STK35: variants seen among roughly 807,000 people sequenced by gnomAD.
The protein encoded by STK35 is serine/threonine kinase 35, also known as serine/threonine-protein kinase 35.
Under a neutral mutation model 37.3 loss-of-function variants are expected in STK35, and 17 were observed. The ratio of observed to expected loss-of-function variants is 0.46; its 90% CI spans 0.31 to 0.68. STK35 has a LOEUF of 0.68. STK35 is among the 30% of genes least tolerant of loss of function. The probability of loss-of-function intolerance (pLI) is 0.05; values close to 1 mark genes in which losing one functional copy is unlikely to be tolerated. For missense variants in STK35, 595 were observed against 746.7 expected (o/e 0.80, Z 2.37); for synonymous variants, 385 against 319.1 (o/e 1.21, Z -2.20).
intron 2 of STK35, among the ~76,000 whole-genome samples, chr20:2,109,003 C>T (rs1025929023): frequency 4.6e-5 from 7 of 152,172 alleles, no homozygotes; most frequent in Admixed American, 4.6e-4. Context: ...CTTTTTACAC[C>T]TCTCCAGCGC....
In STK35 at chr20:2,146,880, G is replaced by A. The variant is rs1469909777; in HGVS notation, c.*3134G>A. On this transcript the variant is annotated 3_prime_UTR_variant, in exon 4 of 4. Coordinates refer to ENST00000381482, the MANE Select transcript of STK35 (RefSeq NM_080836.4). ...GGAGGATGCCTCAGTCTGTTCATTCGAGACTGGCCCCGTCTGAACCTTCTC... is the reference window on the plus strand; with the variant it reads ...GGAGGATGCCTCAGTCTGTTCATTCAAGACTGGCCCCGTCTGAACCTTCTC... 2.6e-5 allele frequency: 4 copies of A among 152,372 alleles called. No homozygotes were observed. The highest frequency in any genetic ancestry group is 4.8e-5 in the African/African-American group (2 of 41,446). 9.4% of individuals were successfully genotyped at this position (152,372 alleles called of 1,614,324 possible).
At position 2,131,389 on chromosome 20, in the gene STK35, AG is replaced by A. The variant is rs772434691; in HGVS notation, c.*38-12394del. Among the ~76,000 whole-genome samples the A allele has an allele frequency of 4.9e-4, 75 of 152,348 alleles. No individual in the cohort carries two copies. The Middle Eastern group carries it at 0.01, about 21-fold the overall frequency. Reference sequence around the variant, plus strand: ...AACACTTTGGGAGGCCAAGACAGGAAGATCACTTGAGCCCAGGAGTTTGAGA... The same window carrying A: ...AACACTTTGGGAGGCCAAGACAGGAAATCACTTGAGCCCAGGAGTTTGAGA... On this transcript the variant is annotated intron_variant, in intron 3 of 3. Transcript: ENST00000381482.
chr20:2,103,267 A>G lies in STK35; in HGVS notation c.794A>G (p.Glu265Gly), dbSNP rs1309828715. ...KRRHQNVVQF[E>G]ECVLQRNGLA... ...CGCCACCAGAACGTCGTGCAGTTTG[A>G]GGAGTGCGTCCTGCAGCGCAATGGG... The change falls in exon 2 of 4, where the codon GAG (glutamate) becomes GGG (glycine). Residue 265 changes from glutamate (E) to glycine (G), a missense_variant. Physicochemically the swap from Glu to Gly is moderately conservative, Grantham distance 98 (BLOSUM62 -2). This residue lies in a region of STK35 where 97 missense variants were observed against 146.4 expected (regional missense o/e 0.66). Coordinates refer to ENST00000381482, the MANE Select transcript of STK35 (RefSeq NM_080836.4). The G allele has an allele frequency of 1.2e-6, 2 of 1,613,192 alleles. No homozygotes were observed. Among genetic ancestry groups the G allele is most frequent in the Non-Finnish European group, 8.5e-7 (1 of 1,179,890 alleles).
intron 3 of STK35, among the ~76,000 whole-genome samples, chr20:2,139,376 C>G (rs933539875): frequency 6.6e-6 from 1 of 152,224 alleles, no homozygotes; most frequent in Non-Finnish European, 1.5e-5. Context: ...GAGCACTAGA[C>G]CTGTGCACAG....
Position 2,101,995 on chromosome 20 carries a change from A to T in STK35, c.114A>T (p.Leu38=). Residue 38 remains leucine (L), a synonymous_variant, in exon 1 of 4, where the codon CTA becomes CTT. Transcript: ENST00000381482. ...AACACGTGGAAAGCCACGGGAGCCT[A>T]GGAGCCCAGGCTTCCCCAGCGAGCG... ...WREHVESHGS[L]GAQASPASAA... 6.5e-7 allele frequency: 1 copy of T among 1,527,550 alleles called. No individual in the cohort carries two copies. The allele number at this position is 1,527,550 out of a possible 1,614,324, so 94.6% of individuals were successfully genotyped here.
chr20:2,122,115 T>C (rs1431815662), intron 3 of STK35, among the ~76,000 whole-genome samples: 1 of 152,134 alleles, frequency 6.6e-6, no homozygotes, highest in Non-Finnish European at 1.5e-5. Context: ...GGGCAGATTG[T>C]TTGAGCTCAC....
At chr20:2,104,809 C>T (rs1985483008) in intron 2 of STK35, among the ~76,000 whole-genome samples, 1 of 152,216 alleles carries the variant, frequency 6.6e-6, no homozygotes, top group South Asian at 2.1e-4. Context: ...ATCCGTGCCC[C>T]ATCCATTCTG....
chr20:2,143,881 G>A lies in STK35; in HGVS notation c.*135G>A, dbSNP rs1214440285. The A allele has an allele frequency of 2.2e-6, 1 of 449,688 alleles. No homozygotes were observed. Among genetic ancestry groups the A allele is most frequent in the Admixed American group, 2.4e-5 (1 of 41,006 alleles). The allele number at this position is 449,688 out of a possible 1,614,324, so 27.9% of individuals were successfully genotyped here. ...GCCGGTTGGCGATCTCCCGACAGCTGGATCCGGCAATGTGAAGCTTTTGTT... is the reference window on the plus strand; with the variant it reads ...GCCGGTTGGCGATCTCCCGACAGCTAGATCCGGCAATGTGAAGCTTTTGTT... On this transcript the variant is annotated 3_prime_UTR_variant, in exon 4 of 4. Coordinates refer to ENST00000381482, the MANE Select transcript of STK35 (RefSeq NM_080836.4).
intron 2 of STK35, among the ~76,000 whole-genome samples, chr20:2,109,065 A>G (rs1246649181): frequency 6.6e-6 from 1 of 152,182 alleles, no homozygotes; most frequent in Non-Finnish European, 1.5e-5. Context: ...CTAGGTGTGC[A>G]TGTGGTATAC....
At position 2,116,793 on chromosome 20, in the gene STK35, C is replaced by T. The variant is rs1350627124; in HGVS notation, c.1020C>T (p.Phe340=). The change falls in exon 3 of 4, where the codon TTC becomes TTT. Residue 340 remains phenylalanine, a synonymous_variant. Transcript: ENST00000381482. ...RRPDPATNKS[F]MLQLTSAIAF... ...CAGACCCAGCCACCAACAAAAGTTT[C>T]ATGCTACAGCTGACGAGCGCCATTG... The T allele has an allele frequency of 6.2e-7, 1 of 1,614,162 alleles. No homozygotes were observed.
chr20:2,119,038 G>C (rs1985770483), intron 3 of STK35, among the ~76,000 whole-genome samples: 1 of 152,228 alleles, frequency 6.6e-6, no homozygotes, highest in African/African-American at 2.4e-5. Context: ...GCTCTGGGGT[G>C]ACATGATAAG....
intron 3 of STK35, among the ~76,000 whole-genome samples, chr20:2,134,137 G>A (rs1407176793): frequency 6.6e-6 from 1 of 151,956 alleles, no homozygotes; most frequent in African/African-American, 2.4e-5. Flanking sequence ...GTGCACACCT[G>A]TAATCCTAGC....
At chr20:2,108,475 A>G (rs1367680642) in intron 2 of STK35, among the ~76,000 whole-genome samples, 3 of 152,104 alleles carry the variant, frequency 2.0e-5, no homozygotes, top group African/African-American at 7.2e-5. Flanking sequence ...GCATCAGTGC[A>G]CTCCAGCCTG....
chr20:2,116,340 C>T (rs545949309), intron 2 of STK35, among the ~76,000 whole-genome samples: 377 of 152,304 alleles, frequency 2.5e-3, no homozygotes, highest in Non-Finnish European at 4.6e-3. Context: ...TTTCCCTTGT[C>T]CCATCTGCCC....
intron 3 of STK35, among the ~76,000 whole-genome samples, chr20:2,128,079 G>A (rs949112192): frequency 5.3e-5 from 8 of 152,122 alleles, no homozygotes; most frequent in African/African-American, 1.9e-4. Flanking sequence ...CAGACCAGCA[G>A]CATCACCTGG....
intron 3 of STK35, among the ~76,000 whole-genome samples, chr20:2,128,950 G>A (rs901341593): frequency 4.6e-5 from 7 of 151,954 alleles, no homozygotes; most frequent in African/African-American, 1.2e-4. Context: ...TCAGCCTCCC[G>A]AGTAGCTGGG....
In STK35 at chr20:2,103,006, CCGAGGCCCCGGG is replaced by C; in HGVS notation, c.541_552del (p.Pro181_Ala184del). The C allele has an allele frequency of 7.0e-7, 1 of 1,420,078 alleles. No individual in the cohort carries two copies. The highest frequency in any genetic ancestry group is 9.1e-7 in the Non-Finnish European group (1 of 1,097,808). 88.0% of individuals were successfully genotyped at this position (1,420,078 alleles called of 1,614,324 possible). On this transcript the variant is annotated inframe_deletion, in exon 2 of 4. Transcript: ENST00000381482. Reference sequence around the variant, plus strand: ...GCCCGGGCCATGGATCCGGTGGCGGCCGAGGCCCCGGGCGAGGCCTTCCTGGCGCGGCGACGG... The same window carrying C: ...GCCCGGGCCATGGATCCGGTGGCGGCCGAGGCCTTCCTGGCGCGGCGACGG...
chr20:2,129,027 G>T (rs1249023837), intron 3 of STK35, among the ~76,000 whole-genome samples: 3 of 152,104 alleles, frequency 2.0e-5, no homozygotes, highest in Non-Finnish European at 2.9e-5. Context: ...GTTTCACCAT[G>T]TTGGCCAGGA....
At chr20:2,107,266 A>G (rs1985533089) in intron 2 of STK35, among the ~76,000 whole-genome samples, 1 of 152,326 alleles carries the variant, frequency 6.6e-6, no homozygotes, top group South Asian at 2.1e-4. Flanking sequence ...GTGAGGACAC[A>G]CTCACAGACA....
Sources: gnomAD v4.1 joint callset for allele counts (sites outside exome capture counted in the v4.1 genomes callset) on GRCh38, gnomAD v4.1.1 for gene constraint, gnomAD v4.1.1 regional missense constraint, MANE v1.5 for transcripts, NCBI Gene and HGNC (gene_info 2026-07-23, HGNC 2026-07-21) for gene names.